RICTOR: variants seen among roughly 807,000 people sequenced by gnomAD.
The protein encoded by RICTOR is RPTOR independent companion of MTOR complex 2, also known as rapamycin-insensitive companion of mTOR.
Under a neutral mutation model 214.9 loss-of-function variants are expected in RICTOR, and 49 were observed. The observed-to-expected ratio is 0.23, with a 90% CI of 0.18 to 0.29. RICTOR has a LOEUF of 0.29. Ranked by LOEUF, RICTOR falls within the 10% of genes least tolerant of loss-of-function variation. The pLI is 1.00. For missense variants in RICTOR, 1,625 were observed against 2,047.0 expected (o/e 0.79, Z 3.98); for synonymous variants, 717 against 711.3 (o/e 1.01, Z -0.13).
At chr5:38,955,889 A>G (rs138953163) in intron 25 of RICTOR, among the ~76,000 whole-genome samples, 185 bp from the exon 26 acceptor site, 21 of 152,050 alleles carry the variant, frequency 1.4e-4, no homozygotes, top group Middle Eastern at 6.8e-3. Flanking sequence ...CATATCTGCC[A>G]TTTTCCTCAC....
At chr5:38,978,375 G>C (rs754706927) in intron 9 of RICTOR, among the ~76,000 whole-genome samples, 1 of 151,676 alleles carries the variant, frequency 6.6e-6, no homozygotes, top group Non-Finnish European at 1.5e-5. Flanking sequence ...ATATATTTTT[G>C]GAAATAAGAA....
rs1469847985 is a variant in RICTOR, at chr5:38,953,099, A to G, written c.2791-8T>C. 1.9e-6 allele frequency: 3 copies of G among 1,554,976 alleles called. No individual in the cohort carries two copies. The African/African-American group carries it at 4.1e-5, about 21-fold the overall frequency. The stretch of plus-strand genomic sequence containing the variant: ...TGATGAGCCGATATTTCCCTGAAAG[A>G]AAAGAAATCACTTACATCAAATATA... On this transcript the variant is annotated splice_polypyrimidine_tract_variant and splice_region_variant and intron_variant, in intron 28 of 37. Transcript: ENST00000357387.
chr5:38,989,856 G>C (rs935123356), intron 7 of RICTOR, among the ~76,000 whole-genome samples: 1 of 152,142 alleles, frequency 6.6e-6, no homozygotes, highest in Non-Finnish European at 1.5e-5. Flanking sequence ...ACCAACAAAT[G>C]TTAGAGAGGA....
intron 8 of RICTOR, among the ~76,000 whole-genome samples, chr5:38,979,940 TACTGTGTGTATTA>T (rs1221121624): frequency 6.6e-6 from 1 of 152,232 alleles, no homozygotes; most frequent in Non-Finnish European, 1.5e-5. Flanking sequence ...CTCTGTGCTT[TACTGTGTGTATTA>T]ACATTATTTT....
intron 5 of RICTOR, among the ~76,000 whole-genome samples, chr5:39,001,975 C>A (rs1753660222): frequency 1.3e-5 from 2 of 151,828 alleles, no homozygotes; most frequent in Admixed American, 1.3e-4. Context: ...TACCTTATAA[C>A]CCAGAAATTC....
At chr5:38,949,196 CCTG>C (rs2112840771) in intron 31 of RICTOR, among the ~76,000 whole-genome samples, 1 of 151,850 alleles carries the variant, frequency 6.6e-6, no homozygotes, top group African/African-American at 2.4e-5. Flanking sequence ...TATAGAAATC[CCTG>C]CTGAGTCATG....
chr5:38,958,922 A>G, intron 22 of RICTOR, 91 bp from the exon 23 acceptor site: 3 of 959,452 alleles, frequency 3.1e-6, no homozygotes, highest in South Asian at 2.4e-5. Flanking sequence ...TGCTACTTGA[A>G]AAGGGAAGAA....
At chr5:39,054,044 T>C (rs1033204007) in intron 2 of RICTOR, among the ~76,000 whole-genome samples, 1 of 152,122 alleles carries the variant, frequency 6.6e-6, no homozygotes, top group Non-Finnish European at 1.5e-5. Flanking sequence ...ATCGAGCCAC[T>C]GCGCTCCAGC....
rs545382433 is a variant in RICTOR at position 39,034,492 on chromosome 5, G to A, written c.98-13356C>T. On this transcript the variant is annotated intron_variant, in intron 2 of 37. Transcript: ENST00000357387. ...TGCAGGACAGTGGGTGCAGCGCACC[G>A]TGCATGAGCCAAAGCAGGGCGAGGC... is the stretch of plus-strand genomic sequence containing the variant. Among the ~76,000 whole-genome samples the A allele has an allele frequency of 1.3e-4, 20 of 152,358 alleles. 1 individual carries two copies. In the South Asian group the frequency reaches 3.1e-3, roughly 24 times the overall value.
intron 2 of RICTOR, among the ~76,000 whole-genome samples, chr5:39,031,130 G>A (rs1310074869): frequency 6.6e-6 from 1 of 152,122 alleles, no homozygotes; most frequent in Non-Finnish European, 1.5e-5. Flanking sequence ...AGGGCTGGAG[G>A]CTGACTAGAA....
intron 3 of RICTOR, among the ~76,000 whole-genome samples, chr5:39,012,722 T>C (rs1265661847): frequency 6.6e-6 from 1 of 152,220 alleles, no homozygotes; most frequent in Non-Finnish European, 1.5e-5. Flanking sequence ...GTTTAGAAAT[T>C]GTTAAAGACT....
chr5:39,030,003 GATTA>G (rs930465775), intron 2 of RICTOR, among the ~76,000 whole-genome samples: 12 of 152,038 alleles, frequency 7.9e-5, no homozygotes, highest in African/African-American at 2.9e-4. Context: ...CATGATCCAA[GATTA>G]ATTCGTTTTT....
intron 2 of RICTOR, among the ~76,000 whole-genome samples, chr5:39,042,261 T>C (rs985930059): frequency 3.3e-5 from 5 of 152,200 alleles, no homozygotes; most frequent in African/African-American, 9.6e-5. Context: ...GAAATATTCT[T>C]ATCATCTTCA....
chr5:38,981,836 T>A lies in RICTOR; in HGVS notation c.753+31A>T, dbSNP rs773167465. On this transcript the variant is annotated intron_variant, in intron 8 of 37. Coordinates refer to ENST00000357387, the MANE Select transcript of RICTOR (RefSeq NM_152756.5). ...AAAGTATACATTTATAATAATATTT[T>A]AAAACTAGAAAAGAATATTAAAGTT... is the stretch of plus-strand genomic sequence containing the variant. 24 of 1,476,048 alleles carry A rather than the reference T, an allele frequency of 1.6e-5. 1 individual carries two copies. The South Asian group carries it at 2.7e-4, about 16-fold the overall frequency. 91.4% of individuals were successfully genotyped at this position (1,476,048 alleles called of 1,614,324 possible).
intron 6 of RICTOR, 136 bp from the exon 7 acceptor site, chr5:38,991,211 T>G: frequency 2.1e-6 from 1 of 472,342 alleles, no homozygotes; most frequent in Non-Finnish European, 3.7e-6. Context: ...CTTTTGCTTA[T>G]GGATATTTCA....
rs142809765 is a variant in RICTOR, at chr5:38,952,356, G to A, written c.2967C>T (p.Asn989=). 3.1e-6 allele frequency: 5 copies of A among 1,613,002 alleles called. No homozygotes were observed. Among genetic ancestry groups the A allele is most frequent in the Middle Eastern group, 1.7e-4 (1 of 6,058 alleles). ...KQGCDILKCH[N]WDAVRHSRKH... ...TGCGACTATGCCTCACAGCATCCCA[G>A]TTGTGACATTTTAGAATATCACAGC... Residue 989 remains asparagine (N), a synonymous_variant, in exon 30 of 38, where the codon AAC becomes AAT. Transcript: ENST00000357387.
intron 7 of RICTOR, among the ~76,000 whole-genome samples, chr5:38,988,426 G>A (rs934462688): frequency 1.4e-4 from 21 of 152,036 alleles, no homozygotes; most frequent in African/African-American, 5.1e-4. Context: ...TTGTTGTTTT[G>A]ATCCCTTTAC....
At chr5:39,051,915 A>G (rs1030986429) in intron 2 of RICTOR, among the ~76,000 whole-genome samples, 1 of 152,204 alleles carries the variant, frequency 6.6e-6, no homozygotes, top group Admixed American at 6.5e-5. Flanking sequence ...GTTCAACTTA[A>G]AATTTTCTTA....
intron 11 of RICTOR, chr5:38,969,654 G>A (rs1042087448): frequency 6.7e-6 from 1 of 149,996 alleles, no homozygotes; most frequent in Non-Finnish European, 1.5e-5. Flanking sequence ...CTATATAGGT[G>A]CTGTATTTTT....
Sources: gnomAD v4.1 joint callset for allele counts (sites outside exome capture counted in the v4.1 genomes callset) on GRCh38, gnomAD v4.1.1 for gene constraint, MANE v1.5 for transcripts, NCBI Gene and HGNC (gene_info 2026-07-23, HGNC 2026-07-21) for gene names.